Variants in RYR2 observed in about 807,000 individuals in gnomAD.
RYR2 encodes ryanodine receptor 2.
Under a neutral mutation model 601.1 loss-of-function variants are expected in RYR2, and 227 were observed. The observed-to-expected ratio is 0.38, with a 90% CI of 0.34 to 0.42. The LOEUF (loss-of-function observed/expected upper bound fraction) is 0.42. Among genes scored for constraint, RYR2 ranks in the 10% least tolerant of loss-of-function variants. The pLI is 1.00. For missense variants in RYR2, 4,646 were observed against 6,156.5 expected (o/e 0.75, Z 8.21); for synonymous variants, 2,223 against 2,175.1 (o/e 1.02, Z -0.61).
At chr1:237,621,042 T>TA (rs1479940969) in intron 38 of RYR2, among the ~76,000 whole-genome samples, 12 of 152,248 alleles carry the variant, frequency 7.9e-5, no homozygotes, top group Admixed American at 5.9e-4. Flanking sequence ...AAGACATTTT[T>TA]AAAAGTTGAA....
At chr1:237,822,407 GA>G (rs1662611791) in intron 101 of RYR2, among the ~76,000 whole-genome samples, 1 of 152,178 alleles carries the variant, frequency 6.6e-6, no homozygotes, top group Non-Finnish European at 1.5e-5. Flanking sequence ...ATTCAACTCA[GA>G]ATTTCACATC....
At chr1:237,306,360 T>C (rs1693858630) in intron 2 of RYR2, among the ~76,000 whole-genome samples, 2 of 152,202 alleles carry the variant, frequency 1.3e-5, no homozygotes, top group African/African-American at 2.4e-5. Context: ...GTCAATGACT[T>C]AGCAATCAAT....
intron 2 of RYR2, among the ~76,000 whole-genome samples, chr1:237,290,323 A>G (rs1572491867): frequency 6.6e-6 from 1 of 152,230 alleles, no homozygotes; most frequent in East Asian, 1.9e-4. Flanking sequence ...TAGAGTGACT[A>G]AAAGCAGATG....
In RYR2 at chr1:237,795,836, G is replaced by GTGTATATATA. The variant is rs371932356; in HGVS notation, c.13956+506_13956+507insGTATATATAT. Among the ~76,000 whole-genome samples, 1,283 of 132,594 alleles carry GTGTATATATA rather than the reference G, an allele frequency of 9.7e-3. 13 individuals carry two copies. Among genetic ancestry groups the GTGTATATATA allele is most frequent in the South Asian group, 0.025 (104 of 4,164 alleles). The allele number at this position is 132,594 out of a possible 152,430, so 87.0% of individuals were successfully genotyped here. On this transcript the variant is annotated intron_variant, in intron 96 of 104. Transcript: ENST00000366574. The stretch of plus-strand genomic sequence containing the variant: ...TATACAGGTATGTATGTGTGTGTGT[G>GTGTATATATA]TATATATATATATGTATATGTATAT...
intron 20 of RYR2, among the ~76,000 whole-genome samples, chr1:237,499,275 CTCTG>C (rs1325641453): frequency 1.3e-5 from 2 of 152,068 alleles, no homozygotes; most frequent in African/African-American, 4.8e-5. Flanking sequence ...TACACTTCCT[CTCTG>C]TCAATGCAGA....
intron 84 of RYR2, among the ~76,000 whole-genome samples, chr1:237,769,727 C>G (rs1470473598): frequency 6.8e-6 from 1 of 147,588 alleles, no homozygotes; most frequent in African/African-American, 2.5e-5. Context: ...TATTTCCATT[C>G]TGTAAAAAGT....
At chr1:237,240,018 C>T (rs2149227687) in intron 1 of RYR2, among the ~76,000 whole-genome samples, 1 of 152,252 alleles carries the variant, frequency 6.6e-6, no homozygotes, top group East Asian at 1.9e-4. Flanking sequence ...TCATTTTGCT[C>T]GATCATTAAA....
chr1:237,551,739 A>G (rs1559014343), intron 27 of RYR2, among the ~76,000 whole-genome samples: 1 of 152,164 alleles, frequency 6.6e-6, no homozygotes, highest in Non-Finnish European at 1.5e-5. Flanking sequence ...TTTTCAGTGC[A>G]TTACCTGTAC....
chr1:237,830,654 T>C, intron 103 of RYR2, 24 bp downstream of exon 103: 2 of 1,250,840 alleles, frequency 1.6e-6, no homozygotes, highest in Non-Finnish European at 2.4e-6. Flanking sequence ...TTTCAGAATC[T>C]TCCACCTCTC....
chr1:237,580,154 T>TC (rs1673737904), intron 29 of RYR2, among the ~76,000 whole-genome samples: 1 of 111,134 alleles, frequency 9.0e-6, no homozygotes, highest in South Asian at 3.8e-4. Flanking sequence ...TCACAACAAT[T>TC]CTTTTTTTTT....
rs1238576332 is a variant in RYR2 at position 237,638,444 on chromosome 1, G to C, written c.6880G>C (p.Glu2294Gln). ...GYPDIGWNPV[E>Q]GERYLDFLRF... ...TCCAGACATTGGGTGGAACCCAGTT[G>C]AAGGAGAGAGATATCTTGACTTTCT... Residue 2294 changes from glutamate (E) to glutamine (Q), a missense_variant, in exon 45 of 105, where the codon GAA (glutamate) becomes CAA (glutamine). By Grantham distance (29) the Glu-to-Gln change is conservative. Around this residue, in one of 17 missense-constraint regions of RYR2, gnomAD observed 137 missense variants for 273.6 expected, o/e 0.50. Transcript: ENST00000366574. 6.2e-7 allele frequency: 1 copy of C among 1,613,938 alleles called. No homozygotes were observed. The highest frequency in any genetic ancestry group is 1.7e-5 in the Admixed American group (1 of 60,026).
chr1:237,211,323 T>G (rs943362781), intron 1 of RYR2, among the ~76,000 whole-genome samples: 4 of 152,252 alleles, frequency 2.6e-5, no homozygotes, highest in African/African-American at 9.6e-5. Context: ...CAATGTGCTC[T>G]GCAGTGATGG....
intron 71 of RYR2, 138 bp from the exon 72 acceptor site, chr1:237,717,060 T>G: frequency 1.5e-6 from 1 of 687,342 alleles, no homozygotes; most frequent in Non-Finnish European, 2.4e-6. Context: ...GAAAAATTAT[T>G]CTCAAAACAG....
intron 2 of RYR2, among the ~76,000 whole-genome samples, chr1:237,295,163 G>A (rs961496674): frequency 1.3e-5 from 2 of 152,110 alleles, no homozygotes; most frequent in Admixed American, 6.6e-5. Context: ...ATTTGAACCT[G>A]TAATGAGTTA....
intron 93 of RYR2, chr1:237,791,836 T>G: frequency 1.7e-6 from 1 of 571,630 alleles, no homozygotes; most frequent in Non-Finnish European, 3.1e-6. Context: ...TCTTTTGTAA[T>G]TGAGAAGAGA....
chr1:237,427,617 T>C (rs1030499064), intron 12 of RYR2, among the ~76,000 whole-genome samples: 5 of 151,696 alleles, frequency 3.3e-5, no homozygotes, highest in Non-Finnish European at 7.4e-5. Flanking sequence ...ACCCTGTCTC[T>C]ACTAAAAATA....
In RYR2 at chr1:237,042,339, CGAGCGTCCGCGCCT is replaced by C; in HGVS notation, c.-182_-169del. 2.5e-6 allele frequency: 1 copy of C among 402,328 alleles called. No homozygotes were observed. The highest frequency in any genetic ancestry group is 3.8e-6 in the Non-Finnish European group (1 of 263,706). The allele number at this position is 402,328 out of a possible 1,614,324, so 24.9% of individuals were successfully genotyped here. On this transcript the variant is annotated 5_prime_UTR_variant, in exon 1 of 105. Transcript: ENST00000366574. ...GCCCCGCGCCTCGACCACCCGCGCC[CGAGCGTCCGCGCCT>C]CCTCCTCCGCTCTGCAGGCGGGGAC...
rs1309242606 is a variant in RYR2 at position 237,456,627 on chromosome 1, A to G, written c.1504A>G (p.Ile502Val). ...EGMINLVLEC[I>V]DRLHVYSSAA... ...AATGATCAACCTCGTGCTTGAGTGCATAGACCGTTTGCACGTCTACAGCAG... is the reference window on the plus strand; with the variant it reads ...AATGATCAACCTCGTGCTTGAGTGCGTAGACCGTTTGCACGTCTACAGCAG... The change falls in exon 16 of 105, where the codon ATA becomes GTA. Residue 502 changes from isoleucine to valine, a missense_variant. Transcript: ENST00000366574. The G allele has an allele frequency of 1.2e-6, 2 of 1,604,742 alleles. No homozygotes were observed. The highest frequency in any genetic ancestry group is 2.7e-5 in the African/African-American group (2 of 74,442).
intron 7 of RYR2, among the ~76,000 whole-genome samples, chr1:237,375,084 A>C (rs1700916215): frequency 6.6e-6 from 1 of 152,204 alleles, no homozygotes; most frequent in Non-Finnish European, 1.5e-5. Flanking sequence ...AGCCATATTA[A>C]TGTACACTAA....
Sources: gnomAD v4.1 joint callset for allele counts (sites outside exome capture counted in the v4.1 genomes callset) on GRCh38, gnomAD v4.1.1 for gene constraint, gnomAD v4.1.1 regional missense constraint, MANE v1.5 for transcripts, NCBI Gene and HGNC (gene_info 2026-07-23, HGNC 2026-07-21) for gene names.